Variants in RPL6 observed in about 807,000 individuals in gnomAD.
The protein encoded by RPL6 is ribosomal protein L6, also known as large ribosomal subunit protein eL6.
In RPL6, 1 loss-of-function variant was observed where a neutral mutation model predicts 32.1. The observed-to-expected ratio is 0.03, with a 90% CI of 0.01 to 0.15. RPL6 has a LOEUF of 0.15. Among genes scored for constraint, RPL6 ranks in the 10% least tolerant of loss-of-function variants. The pLI is 1.00. For missense variants in RPL6, 275 were observed against 354.6 expected, an observed-to-expected ratio of 0.78 and a Z score of 1.80; for synonymous variants, 126 against 131.6, an observed-to-expected ratio of 0.96 and a Z score of 0.29.
At chr12:112,416,984 T>A (rs1308701381) in intron 1 of RPL6, among the ~76,000 whole-genome samples, 2 of 152,172 alleles carry the variant, frequency 1.3e-5, no homozygotes, top group African/African-American at 4.8e-5. Flanking sequence ...GGGCAAGCAT[T>A]AAAAAAATGA....
chr12:112,406,995 T>A (rs1357145763), intron 3 of RPL6, 105 bp from the exon 4 acceptor site: 1 of 1,101,344 alleles, frequency 9.1e-7, no homozygotes, highest in Non-Finnish European at 1.3e-6. Flanking sequence ...TTTTAAAGTA[T>A]AATACTGTAT....
rs768843265 is a variant in RPL6, at chr12:112,406,859, C to T, written c.368G>A (p.Arg123Gln). The change falls in exon 4 of 7, where the codon CGA becomes CAA. Residue 123 changes from arginine to glutamine, a missense_variant. Physicochemically the swap from Arg to Gln is conservative, Grantham distance 43. Transcript: ENST00000202773. ...PRYYPTEDVP[R>Q]KLLSHGKKPF... The stretch of plus-strand genomic sequence containing the variant: ...TTTTTTGCCGTGGCTCAACAGCTTT[C>T]GAGGCACATCTTCAGTAGGATAATA... The T allele has an allele frequency of 3.7e-6, 6 of 1,614,054 alleles. No individual in the cohort carries two copies. Among genetic ancestry groups the T allele is most frequent in the Middle Eastern group, 1.6e-4 (1 of 6,084 alleles).
chr12:112,417,560 CTTTTTTTTT>C lies in RPL6; in HGVS notation c.-229+1159_-229+1167del, dbSNP rs1209085428. On this transcript the variant is annotated intron_variant, in intron 1 of 5. Coordinates refer to the RPL6 transcript ENST00000551291. ...AATACTTCCGTACCACCCGGCCCGGCTTTTTTTTTTTTTTTTTTTTTTTTTTTTAAGAGA... is the reference window on the plus strand; with the variant it reads ...AATACTTCCGTACCACCCGGCCCGGCTTTTTTTTTTTTTTTTTTTAAGAGA... Among the ~76,000 whole-genome samples, 179 of 75,078 alleles carry C rather than the reference CTTTTTTTTT, an allele frequency of 2.4e-3. 1 individual carries two copies. Among genetic ancestry groups the C allele is most frequent in the African/African-American group, 9.1e-3 (136 of 14,890 alleles). 49.3% of individuals were successfully genotyped at this position (75,078 alleles called of 152,430 possible).
intron 1 of RPL6, chr12:112,409,229 C>T: frequency 2.7e-6 from 1 of 377,072 alleles, no homozygotes; most frequent in Non-Finnish European, 4.7e-6. Flanking sequence ...GGAACCCCAA[C>T]GTGGCTGCGA....
chr12:112,405,895 C>T lies in RPL6; in HGVS notation c.672G>A (p.Lys224=). 6.2e-7 allele frequency: 1 copy of T among 1,613,934 alleles called. No homozygotes were observed. The highest frequency in any genetic ancestry group is 8.5e-7 in the Non-Finnish European group (1 of 1,179,912). The change falls in exon 6 of 7, where the codon AAG becomes AAA. Residue 224 remains lysine, a synonymous_variant. Transcript: ENST00000202773. The part of the protein sequence containing the change: ...DAYFKKKKLR[K]PRHQEGEIFD... Reference sequence around the variant, plus strand: ...AGATCTCACCTTCCTGGTGTCTGGGCTTCCGCAGCTTCTTCTTCTTGAAGT... The same window carrying T: ...AGATCTCACCTTCCTGGTGTCTGGGTTTCCGCAGCTTCTTCTTCTTGAAGT...
intron 3 of RPL6, chr12:112,407,296 C>A (rs891101769): frequency 1.2e-5 from 2 of 161,594 alleles, no homozygotes; most frequent in Non-Finnish European, 2.7e-5. Context: ...ACAAGTCTTA[C>A]TCCCACTTCA....
upstream of RPL6, among the ~76,000 whole-genome samples, chr12:112,414,778 AC>A (rs1444268089): frequency 6.6e-6 from 1 of 151,972 alleles, no homozygotes; most frequent in Non-Finnish European, 1.5e-5. Context: ...GGTGGCAGGT[AC>A]CTGTAGTCCC....
intron 1 of RPL6, chr12:112,408,994 G>A (rs545039942): frequency 1.7e-5 from 5 of 297,852 alleles, no homozygotes; most frequent in African/African-American, 4.3e-5. Context: ...GATGCAGAAT[G>A]TGTCCACAGG....
chr12:112,417,719 G>A (rs952195861), intron 1 of RPL6, among the ~76,000 whole-genome samples: 3 of 151,486 alleles, frequency 2.0e-5, no homozygotes, highest in African/African-American at 4.9e-5. Flanking sequence ...GTGCAGTGGC[G>A]CGATCTCGGC....
chr12:112,405,991 T>C lies in RPL6; in HGVS notation c.576A>G (p.Lys192=). The change falls in exon 6 of 7, where the codon AAA becomes AAG. Residue 192 remains lysine, a synonymous_variant. Coordinates refer to ENST00000202773, the MANE Select transcript of RPL6 (RefSeq NM_000970.6). ...TTTTGGTTGAAGTGGCAATGACAAA[T>C]TTCTGGTGTGTTCTTCGTAGAGGAA... ...NRVPLRRTHQ[K]FVIATSTKID... The C allele has an allele frequency of 6.2e-7, 1 of 1,614,094 alleles. No homozygotes were observed. The highest frequency in any genetic ancestry group is 8.5e-7 in the Non-Finnish European group (1 of 1,179,988).
intron 1 of RPL6, chr12:112,418,333 G>C (rs1033470193): frequency 6.5e-6 from 1 of 153,378 alleles, no homozygotes; most frequent in African/African-American, 2.4e-5. Context: ...TAGTGCAGTG[G>C]CGTGATCACG....
intron 1 of RPL6, among the ~76,000 whole-genome samples, chr12:112,417,717 G>T (rs1356731421): frequency 3.3e-5 from 5 of 151,318 alleles, no homozygotes; most frequent in African/African-American, 1.2e-4. Flanking sequence ...GAGTGCAGTG[G>T]CGCGATCTCG....
chr12:112,406,154 G>T, intron 5 of RPL6, 117 bp from the exon 6 acceptor site: 1 of 1,192,420 alleles, frequency 8.4e-7, no homozygotes, highest in Non-Finnish European at 1.2e-6. Flanking sequence ...TAACCCACTT[G>T]CACACAAGGC....
chr12:112,413,201 A>G (rs1255126126), upstream of RPL6, among the ~76,000 whole-genome samples: 1 of 152,198 alleles, frequency 6.6e-6, no homozygotes, highest in Non-Finnish European at 1.5e-5. Flanking sequence ...AGTAATGGCT[A>G]TTATCTGAAT....
rs1456649270 is a variant in RPL6 at position 112,408,506 on chromosome 12, C to G, written c.151G>C (p.Val51Leu). 13 of 1,613,758 alleles carry G rather than the reference C, an allele frequency of 8.1e-6. No homozygotes were observed. The highest frequency in any genetic ancestry group is 1.0e-5 in the Non-Finnish European group (12 of 1,180,030). ...CGGGAATACCTGCCAATTCCTCTGACAAGGACAGGGTTGCGGCTGCAATGG... is the reference window on the plus strand; with the variant it reads ...CGGGAATACCTGCCAATTCCTCTGAGAAGGACAGGGTTGCGGCTGCAATGG... ...KPHCSRNPVLVRGIGRYSRSA... is the reference protein window; with the variant it reads ...KPHCSRNPVLLRGIGRYSRSA... Residue 51 changes from valine to leucine, a missense_variant, in exon 2 of 7, where the codon GTC (valine) becomes CTC (leucine). Coordinates refer to ENST00000202773, the MANE Select transcript of RPL6 (RefSeq NM_000970.6).
At chr12:112,416,020 G>T (rs149237772) in intron 1 of RPL6, among the ~76,000 whole-genome samples, 1 of 147,146 alleles carries the variant, frequency 6.8e-6, no homozygotes, top group East Asian at 2.1e-4. Context: ...GTGCAGTGGC[G>T]CAATCTTGGC....
chr12:112,418,278 T>G (rs2037450127), intron 1 of RPL6: 1 of 152,438 alleles, frequency 6.6e-6, no homozygotes, highest in South Asian at 2.1e-4. Flanking sequence ...GCGCCCAGCC[T>G]ATTATTATTT....
chr12:112,416,133 ATTTTTTTTT>A (rs1168421826), intron 1 of RPL6, among the ~76,000 whole-genome samples: 2 of 51,052 alleles, frequency 3.9e-5, no homozygotes, highest in African/African-American at 8.1e-5. Flanking sequence ...TAAATTTTGT[ATTTTTTTTT>A]TTTTTTTTTT....
At chr12:112,410,145 AAAAAAAAG>A (rs770159567), upstream of RPL6, among the ~76,000 whole-genome samples, 165 of 147,616 alleles carry the variant, frequency 1.1e-3, no homozygotes, top group Non-Finnish European at 1.6e-3. Context: ...TAACAACAAC[AAAAAAAAG>A]AAAAAAAGAA....
Sources: allele counts gnomAD v4.1 joint callset (sites outside exome capture counted in the v4.1 genomes callset), GRCh38; gene constraint gnomAD v4.1.1; transcripts MANE v1.5; gene names NCBI Gene and HGNC (gene_info 2026-07-23, HGNC 2026-07-21).